Variants in PRKG1 observed in about 807,000 individuals in gnomAD.
PRKG1 encodes protein kinase cGMP-dependent 1.
Under a neutral mutation model 88.1 loss-of-function variants are expected in PRKG1, and 35 were observed. The ratio of observed to expected loss-of-function variants is 0.40; its 90% CI spans 0.30 to 0.53. The LOEUF (loss-of-function observed/expected upper bound fraction) is 0.53. PRKG1 is among the 20% of genes least tolerant of loss of function. The pLI is 0.59. For missense variants in PRKG1, 540 were observed against 839.8 expected (o/e 0.64, Z 4.41); for synonymous variants, 303 against 292.5 (o/e 1.04, Z -0.37).
At chr10:52,159,824 AT>A (rs1229423191) in intron 8 of PRKG1, among the ~76,000 whole-genome samples, 1 of 151,912 alleles carries the variant, frequency 6.6e-6, no homozygotes, top group Non-Finnish European at 1.5e-5. Flanking sequence ...TAAATGCCTA[AT>A]AACACAATCT....
intron 2 of PRKG1, among the ~76,000 whole-genome samples, chr10:51,420,172 C>T (rs1346578609): frequency 1.3e-5 from 2 of 151,910 alleles, no homozygotes; most frequent in South Asian, 2.1e-4. Context: ...GAAGTTGAAG[C>T]GGGAGCAGGC....
At chr10:51,991,874 A>G (rs951265523) in intron 5 of PRKG1, among the ~76,000 whole-genome samples, 4 of 152,202 alleles carry the variant, frequency 2.6e-5, no homozygotes, top group Non-Finnish European at 5.9e-5. Flanking sequence ...CATGATTTAT[A>G]ATCCTTTGGG....
In PRKG1 at chr10:51,485,528, T is replaced by C. The variant is rs7080030; in HGVS notation, c.592+17692T>C. Among the ~76,000 whole-genome samples, 1,036 of 152,230 alleles carry C rather than the reference T, an allele frequency of 6.8e-3. 13 individuals are homozygous for C. The highest frequency in any genetic ancestry group is 0.023 in the African/African-American group (974 of 41,536). On this transcript the variant is annotated intron_variant, in intron 3 of 17. Transcript: ENST00000373980. ...TCTTAAATAAACAATAAGAAAGTGA[T>C]ATTATGAAGAAAGACAGCCCACATA...
chr10:52,122,086 G>A (rs904807717), intron 7 of PRKG1, among the ~76,000 whole-genome samples: 2 of 152,170 alleles, frequency 1.3e-5, no homozygotes, highest in Non-Finnish European at 2.9e-5. Context: ...TTGAGACACT[G>A]GGATGTCCAA....
At chr10:51,929,768 G>C (rs2133000317) in intron 5 of PRKG1, among the ~76,000 whole-genome samples, 1 of 152,268 alleles carries the variant, frequency 6.6e-6, no homozygotes, top group South Asian at 2.1e-4. Flanking sequence ...CTTCCTCTTA[G>C]AGGATACTAC....
At chr10:52,205,964 T>C (rs979213163) in intron 9 of PRKG1, among the ~76,000 whole-genome samples, 1 of 152,198 alleles carries the variant, frequency 6.6e-6, no homozygotes, top group African/African-American at 2.4e-5. Context: ...TTGACCTCTC[T>C]GTTGAGGTTG....
chr10:51,901,681 A>C (rs1019403085), intron 4 of PRKG1, among the ~76,000 whole-genome samples: 3 of 152,118 alleles, frequency 2.0e-5, no homozygotes, highest in Middle Eastern at 3.2e-3. Flanking sequence ...TTAAAAATTC[A>C]ATTTCTTTTT....
intron 3 of PRKG1, among the ~76,000 whole-genome samples, chr10:51,563,330 T>C (rs118112301): frequency 1.6e-3 from 241 of 152,218 alleles, no homozygotes; most frequent in Non-Finnish European, 3.0e-3. Flanking sequence ...AAATGATAAA[T>C]GTTTGAGATA....
intron 3 of PRKG1, among the ~76,000 whole-genome samples, chr10:51,755,265 G>A (rs934217603): frequency 2.0e-5 from 3 of 152,086 alleles, no homozygotes; most frequent in Non-Finnish European, 1.5e-5. Flanking sequence ...TGCTGTCAGG[G>A]GCAAATCAAT....
intron 3 of PRKG1, among the ~76,000 whole-genome samples, chr10:51,538,669 GA>G (rs773529112): frequency 8.5e-4 from 104 of 122,752 alleles, no homozygotes; most frequent in South Asian, 2.0e-3. Context: ...CCCTAACAAT[GA>G]AAAAAAAAAA....
At chr10:52,075,945 G>A (rs1270741438) in intron 7 of PRKG1, among the ~76,000 whole-genome samples, 3 of 152,118 alleles carry the variant, frequency 2.0e-5, no homozygotes, top group Admixed American at 2.0e-4. Flanking sequence ...TCTAAATACT[G>A]TCACATTGGG....
chr10:51,355,119 A>G (rs1482472729), intron 2 of PRKG1, among the ~76,000 whole-genome samples: 2 of 152,132 alleles, frequency 1.3e-5, no homozygotes, highest in African/African-American at 4.8e-5. Context: ...TAATCATGAA[A>G]TCAAATAACA....
chr10:51,266,379 G>A (rs1006258838), intron 2 of PRKG1, among the ~76,000 whole-genome samples: 2 of 152,188 alleles, frequency 1.3e-5, no homozygotes, highest in Non-Finnish European at 2.9e-5. Flanking sequence ...ACATTAGACA[G>A]AACAGGAAGT....
intron 7 of PRKG1, among the ~76,000 whole-genome samples, chr10:52,082,826 T>C (rs1846813503): frequency 6.6e-6 from 1 of 152,172 alleles, no homozygotes; most frequent in Non-Finnish European, 1.5e-5. Context: ...TATAGTATAT[T>C]TTTAAATAAC....
chr10:51,923,856 T>A (rs1457523162), intron 5 of PRKG1, among the ~76,000 whole-genome samples: 1 of 151,268 alleles, frequency 6.6e-6, no homozygotes, highest in Non-Finnish European at 1.5e-5. Context: ...TGAGACAGGG[T>A]CTCATTTTGT....
In PRKG1 at chr10:51,020,334, C is replaced by T. The variant is rs78567181; in HGVS notation, c.266+28690C>T. On this transcript the variant is annotated intron_variant, in intron 1 of 17. Transcript: ENST00000401604. Reference sequence around the variant, plus strand: ...TCAATTTTATTCTCTGGGATATATTCCCCAAAGAATTGAAAACAGAGTCTC... The same window carrying T: ...TCAATTTTATTCTCTGGGATATATTTCCCAAAGAATTGAAAACAGAGTCTC... 1.6e-3 allele frequency among the ~76,000 whole-genome samples: 242 copies of T among 152,138 alleles called. 1 individual carries two copies. Among genetic ancestry groups the T allele is most frequent in the African/African-American group, 5.8e-3 (239 of 41,498 alleles).
At chr10:51,812,004 G>C (rs1306266568) in intron 4 of PRKG1, among the ~76,000 whole-genome samples, 1 of 152,174 alleles carries the variant, frequency 6.6e-6, no homozygotes, top group Non-Finnish European at 1.5e-5. Flanking sequence ...AATATGAAGA[G>C]TGCCTGGGTT....
intron 3 of PRKG1, among the ~76,000 whole-genome samples, chr10:51,737,998 T>C (rs1837334749): frequency 6.6e-6 from 1 of 151,912 alleles, no homozygotes; most frequent in Admixed American, 6.6e-5. Flanking sequence ...CAGGCTGGTC[T>C]CGAACTCCTG....
chr10:52,287,163 C>T (rs997799105), intron 14 of PRKG1, among the ~76,000 whole-genome samples: 2 of 151,784 alleles, frequency 1.3e-5, no homozygotes, highest in African/African-American at 4.8e-5. Context: ...TGTGGCTCCT[C>T]CTCATTTTTT....
Sources: gnomAD v4.1 joint callset for allele counts (sites outside exome capture counted in the v4.1 genomes callset) on GRCh38, gnomAD v4.1.1 for gene constraint, MANE v1.5 for transcripts, NCBI Gene and HGNC (gene_info 2026-07-23, HGNC 2026-07-21) for gene names.